CSTPP1: variants seen among roughly 807,000 people sequenced by gnomAD.
CSTPP1 encodes the protein centriolar satellite-associated tubulin polyglutamylase complex regulator 1, also known as UPF0705 protein C11orf49.
the CSTPP1 span, among the ~76,000 whole-genome samples, chr11:46,942,678 T>A: frequency 1.3e-5 from 2 of 152,220 alleles, no homozygotes; most frequent in Admixed American, 1.3e-4. Flanking sequence ...GAACTCTTCC[T>A]ATATGCCTGG....
the CSTPP1 span, among the ~76,000 whole-genome samples, chr11:47,064,191 G>C: frequency 1.3e-5 from 2 of 152,068 alleles, no homozygotes; most frequent in African/African-American, 2.4e-5. Flanking sequence ...TGAGTTGTAG[G>C]AGTTCTTCAT....
the CSTPP1 span, chr11:47,137,469 A>G: frequency 2.0e-6 from 3 of 1,502,992 alleles, no homozygotes; most frequent in Non-Finnish European, 2.7e-6. Context: ...CTTTGTAGAA[A>G]TACTGATCTT....
the CSTPP1 span, among the ~76,000 whole-genome samples, chr11:47,029,577 C>T: frequency 1.2e-4 from 18 of 151,524 alleles, no homozygotes; most frequent in Middle Eastern, 3.4e-3. Context: ...GATTGTGCCA[C>T]TGCGCTCCAG....
the CSTPP1 span, chr11:47,052,477 G>A: frequency 2.0e-5 from 32 of 1,613,890 alleles, no homozygotes; most frequent in South Asian, 1.6e-4. Flanking sequence ...TCATTTTTAC[G>A]GGCCTTCTGG....
the CSTPP1 span, among the ~76,000 whole-genome samples, chr11:46,967,983 G>T: frequency 6.6e-6 from 1 of 151,960 alleles, no homozygotes; most frequent in South Asian, 2.1e-4. Flanking sequence ...TATAGGTAGG[G>T]AAGGGCGGAA....
chr11:46,984,521 C>A, the CSTPP1 span, among the ~76,000 whole-genome samples: 1 of 151,898 alleles, frequency 6.6e-6, no homozygotes, highest in Non-Finnish European at 1.5e-5. Flanking sequence ...ATGCATGGTC[C>A]AATATATTTC....
the CSTPP1 span, among the ~76,000 whole-genome samples, chr11:47,139,364 C>A: frequency 6.6e-6 from 1 of 152,090 alleles, no homozygotes; most frequent in Non-Finnish European, 1.5e-5. Context: ...AAGAGGGTTG[C>A]GGTTGGAGAC....
At chr11:46,989,335 T>C in the CSTPP1 span, among the ~76,000 whole-genome samples, 1 of 152,168 alleles carries the variant, frequency 6.6e-6, no homozygotes, top group African/African-American at 2.4e-5. Flanking sequence ...TTTACTCTGT[T>C]GTTAAGGCTG....
At chr11:47,140,307 A>C in the CSTPP1 span, among the ~76,000 whole-genome samples, 2 of 152,176 alleles carry the variant, frequency 1.3e-5, no homozygotes, top group East Asian at 3.8e-4. Context: ...CACTGAAAAA[A>C]AAAAAGTATG....
the CSTPP1 span, among the ~76,000 whole-genome samples, chr11:46,948,384 T>A: frequency 1.3e-5 from 2 of 152,222 alleles, no homozygotes; most frequent in African/African-American, 4.8e-5. Context: ...GCCTGTCATA[T>A]GGAAGGAATT....
At chr11:47,064,631 A>G in the CSTPP1 span, among the ~76,000 whole-genome samples, 1 of 152,112 alleles carries the variant, frequency 6.6e-6, no homozygotes, top group Non-Finnish European at 1.5e-5. Flanking sequence ...AAATGACCAT[A>G]TATATGAGGA....
chr11:47,039,456 T>A, the CSTPP1 span, among the ~76,000 whole-genome samples: 1 of 125,156 alleles, frequency 8.0e-6, no homozygotes, highest in East Asian at 2.1e-4. Context: ...AGGGAGACCG[T>A]GGAGAGAGGG....
At chr11:47,116,388 G>A in the CSTPP1 span, among the ~76,000 whole-genome samples, 1 of 152,104 alleles carries the variant, frequency 6.6e-6, no homozygotes, top group Non-Finnish European at 1.5e-5. Context: ...CTTATGTCTT[G>A]TTGAACTGTC....
chr11:46,948,981 ATG>A, the CSTPP1 span, among the ~76,000 whole-genome samples: 8 of 152,248 alleles, frequency 5.3e-5, no homozygotes, highest in Admixed American at 5.2e-4. Flanking sequence ...ACAGGCTACC[ATG>A]TGAGTAAGTC....
the CSTPP1 span, chr11:47,052,976 A>G: frequency 1.3e-5 from 2 of 154,752 alleles, no homozygotes; most frequent in East Asian, 3.8e-4. Context: ...AGATATTAAA[A>G]TGCCATGCAG....
chr11:46,976,670 C>T, the CSTPP1 span, among the ~76,000 whole-genome samples: 1 of 152,074 alleles, frequency 6.6e-6, no homozygotes, highest in Non-Finnish European at 1.5e-5. Flanking sequence ...TAACCCTTTC[C>T]CCACATGAGT....
the CSTPP1 span, among the ~76,000 whole-genome samples, chr11:47,153,727 T>C: frequency 3.3e-5 from 5 of 152,180 alleles, no homozygotes. Context: ...TTGTTATCTG[T>C]ATTACAATAA....
chr11:46,987,435 T>C, the CSTPP1 span: 2 of 853,946 alleles, frequency 2.3e-6, no homozygotes, highest in Non-Finnish European at 3.8e-6. Flanking sequence ...TTAGTTTTGG[T>C]AGGTTGGTTG....
chr11:47,139,889 C>G, the CSTPP1 span, among the ~76,000 whole-genome samples: 16 of 152,258 alleles, frequency 1.1e-4, 2 homozygotes, highest in Admixed American at 7.2e-4. Context: ...CTTCATGCTC[C>G]CACCTCCCTG....
Sources: gnomAD v4.1 joint callset for allele counts (sites outside exome capture counted in the v4.1 genomes callset) on GRCh38, gnomAD v4.1.1 for gene constraint, MANE v1.5 for transcripts, NCBI Gene and HGNC (gene_info 2026-07-23, HGNC 2026-07-21) for gene names.